Variants in TTC6 observed in about 807,000 individuals in gnomAD.
TTC6 encodes tetratricopeptide repeat domain 6, also known as tetratricopeptide repeat protein 6.
TTC6 carries 172 observed loss-of-function variants against 210.4 expected under a neutral mutation model. That is an observed-to-expected ratio of 0.82 (90% confidence interval 0.72 to 0.93). The LOEUF is 0.93. Among genes scored for constraint, TTC6 ranks in the 40% least tolerant of loss-of-function variants. The pLI is 0.00. For synonymous variants in TTC6, 804 were observed against 819.6 expected (o/e 0.98, Z 0.32); for missense variants, 2,414 against 2,318.1 (o/e 1.04, Z -0.85).
chr14:37,790,663 T>A, intron 15 of TTC6, 54 bp from the exon 18 acceptor site: 7 of 1,415,216 alleles, frequency 4.9e-6, no homozygotes, highest in Non-Finnish European at 4.8e-6. Flanking sequence ...AAGTATAATT[T>A]ACCTATGGTT....
chr14:37,805,608 T>A (rs574819674), intron 21 of TTC6, among the ~76,000 whole-genome samples: 1 of 152,350 alleles, frequency 6.6e-6, no homozygotes, highest in Non-Finnish European at 1.5e-5. Flanking sequence ...TACATGTTTT[T>A]AGTCCTTTTG....
intron 29 of TTC6, 74 bp from the exon 32 acceptor site, chr14:37,841,371 A>T: frequency 7.8e-7 from 1 of 1,285,806 alleles, no homozygotes; most frequent in Non-Finnish European, 1.1e-6. Context: ...ATTTAAAATT[A>T]AGAGTAAAAG....
chr14:37,721,364 A>G (rs1459441937), intron 6 of TTC6, among the ~76,000 whole-genome samples: 2 of 152,198 alleles, frequency 1.3e-5, no homozygotes, highest in East Asian at 3.9e-4. Flanking sequence ...TATAATACAC[A>G]ATATCAAAAT....
At chr14:37,728,995 G>A (rs909486564) in intron 7 of TTC6, among the ~76,000 whole-genome samples, 1 of 152,042 alleles carries the variant, frequency 6.6e-6, no homozygotes, top group African/African-American at 2.4e-5. Flanking sequence ...TGTCATGCAG[G>A]TGTGTGCAAA....
At chr14:37,749,666 C>A (rs750159557) in intron 11 of TTC6, 48 bp from the exon 14 acceptor site, 2 of 1,231,312 alleles carry the variant, frequency 1.6e-6, no homozygotes, top group Non-Finnish European at 2.1e-6. Context: ...ATAGGATATC[C>A]TCCTTTAACA....
intron 10 of TTC6, 111 bp downstream of exon 12, chr14:37,739,266 A>C (rs2095910853): frequency 9.1e-7 from 1 of 1,104,726 alleles, no homozygotes; most frequent in African/African-American, 1.6e-5. Flanking sequence ...GAACATATGA[A>C]CCTTTCACTC....
At chr14:37,791,198 C>T (rs958871257) in intron 16 of TTC6, among the ~76,000 whole-genome samples, 7 of 152,138 alleles carry the variant, frequency 4.6e-5, no homozygotes, top group African/African-American at 1.7e-4. Flanking sequence ...AATGAAAAAA[C>T]ATTCTGCTTG....
chr14:37,758,866 T>G (rs1192228244), intron 14 of TTC6, among the ~76,000 whole-genome samples: 1 of 152,198 alleles, frequency 6.6e-6, no homozygotes, highest in Non-Finnish European at 1.5e-5. Flanking sequence ...CAGGAGCTCT[T>G]GTAAGGCAGG....
intron 1 of TTC6, among the ~76,000 whole-genome samples, chr14:37,625,269 C>T (rs562878998): frequency 1.4e-3 from 216 of 151,982 alleles, no homozygotes; most frequent in Admixed American, 2.8e-3. Context: ...AAGTATAGGC[C>T]GGGCGCGGTG....
upstream of TTC6, among the ~76,000 whole-genome samples, chr14:37,621,422 G>A (rs2095650883): frequency 6.6e-6 from 1 of 152,026 alleles, no homozygotes; most frequent in Non-Finnish European, 1.5e-5. Context: ...ACCAGCCTGG[G>A]CAACACAAGG....
chr14:37,766,450 G>C (rs1037965124), intron 14 of TTC6, among the ~76,000 whole-genome samples: 1 of 152,158 alleles, frequency 6.6e-6, no homozygotes, highest in Non-Finnish European at 1.5e-5. Context: ...TTATAAGTGA[G>C]AACATGCAGT....
rs538831839 is a variant in TTC6, at chr14:37,817,180, G to A, written c.4690-398G>A. On this transcript the variant is annotated intron_variant, in intron 25 of 30. Coordinates refer to ENST00000553443, the Ensembl canonical transcript of TTC6. ...CACATAACATCAAAGGTTCTCTCCC[G>A]GTACATTTCCTTTTCTGTCTAGATA... 3.0e-4 allele frequency among the ~76,000 whole-genome samples: 45 copies of A among 152,150 alleles called. No individual in the cohort carries two copies. In the South Asian group the frequency reaches 7.5e-3, roughly 25 times the overall value.
chr14:37,835,595 A>C (rs2096195911), intron 29 of TTC6, among the ~76,000 whole-genome samples: 1 of 152,120 alleles, frequency 6.6e-6, no homozygotes, highest in South Asian at 2.1e-4. Context: ...CTATCTATTG[A>C]TTATATCTTC....
chr14:37,810,886 C>T (rs1217326440), intron 24 of TTC6, among the ~76,000 whole-genome samples: 1 of 152,192 alleles, frequency 6.6e-6, no homozygotes, highest in Admixed American at 6.5e-5. Context: ...GTGACAGGAA[C>T]TGAGCTAAAT....
At chr14:37,681,848 A>C (rs1957589) in intron 2 of TTC6, among the ~76,000 whole-genome samples, 1 of 151,986 alleles carries the variant, frequency 6.6e-6, no homozygotes, top group Non-Finnish European at 1.5e-5. Context: ...AAGTACAAAA[A>C]AAGATATATC....
chr14:37,739,978 G>A (rs984262723), intron 10 of TTC6, among the ~76,000 whole-genome samples: 2 of 151,694 alleles, frequency 1.3e-5, no homozygotes, highest in Non-Finnish European at 1.5e-5. Context: ...CGTGGCTAAC[G>A]CAGTGAAACC....
At chr14:37,725,360 T>A (rs866364560) in intron 7 of TTC6, among the ~76,000 whole-genome samples, 31 of 110,630 alleles carry the variant, frequency 2.8e-4, no homozygotes, top group African/African-American at 9.4e-4. Flanking sequence ...ATATATATAA[T>A]TTTTTTTGAG....
At chr14:37,730,818 T>C (rs1238068340) in intron 7 of TTC6, among the ~76,000 whole-genome samples, 1 of 152,230 alleles carries the variant, frequency 6.6e-6, no homozygotes, top group African/African-American at 2.4e-5. Flanking sequence ...TTCTCATTCA[T>C]CCCACTTGGA....
chr14:37,753,348 A>C, intron 14 of TTC6, 113 bp downstream of exon 16: 1 of 881,256 alleles, frequency 1.1e-6, no homozygotes, highest in Non-Finnish European at 1.6e-6. Flanking sequence ...CAATGAATCA[A>C]TTTTCAGTGC....
Sources: allele counts gnomAD v4.1 joint callset (sites outside exome capture counted in the v4.1 genomes callset), GRCh38; gene constraint gnomAD v4.1.1; transcripts MANE v1.5; gene names NCBI Gene and HGNC (gene_info 2026-07-23, HGNC 2026-07-21).